PRR5: variants seen among roughly 807,000 people sequenced by gnomAD.
The protein encoded by PRR5 is proline rich 5, also known as proline-rich protein 5.
In PRR5, 25 loss-of-function variants were observed where a neutral mutation model predicts 30.6. The observed-to-expected ratio is 0.82, with a 90% CI of 0.60 to 1.14. The LOEUF is 1.14. Ranked by LOEUF, PRR5 falls within the 50% of genes most tolerant of loss-of-function variation. The probability of loss-of-function intolerance (pLI) is 0.00; values close to 1 mark genes in which losing one functional copy is unlikely to be tolerated. For missense variants in PRR5, 600 were observed against 547.1 expected (o/e 1.10, Z -0.96); for synonymous variants, 286 against 247.1 (o/e 1.16, Z -1.48).
intron 6 of PRR5, among the ~76,000 whole-genome samples, chr22:44,732,639 A>G (rs555630678): frequency 9.2e-5 from 14 of 152,280 alleles, no homozygotes; most frequent in Non-Finnish European, 2.1e-4. Context: ...TGTGTCGGCC[A>G]GCCTGGGGCT....
intron 5 of PRR5, 73 bp downstream of exon 5, chr22:44,731,894 G>A: frequency 2.0e-6 from 3 of 1,468,346 alleles, no homozygotes; most frequent in South Asian, 1.2e-5. Context: ...TCTACAGAGG[G>A]GGGCCGCCAG....
At chr22:44,696,572 G>T (rs995613962) in intron 1 of PRR5, among the ~76,000 whole-genome samples, 6 of 152,114 alleles carry the variant, frequency 3.9e-5, no homozygotes, top group Non-Finnish European at 7.3e-5. Context: ...AGGAGGGCAC[G>T]TGTCTTGGGT....
At chr22:44,689,539 G>A (rs1171190866) in intron 1 of PRR5, among the ~76,000 whole-genome samples, 1 of 152,234 alleles carries the variant, frequency 6.6e-6, no homozygotes, top group Non-Finnish European at 1.5e-5. Context: ...CAAGGACTGA[G>A]CTCCGTGTAG....
intron 3 of PRR5, 85 bp downstream of exon 3, chr22:44,725,377 G>T: frequency 6.3e-7 from 1 of 1,574,976 alleles, no homozygotes; most frequent in Non-Finnish European, 8.6e-7. Context: ...CCGGGGGTGT[G>T]GAGCGCCGGC....
intron 1 of PRR5, among the ~76,000 whole-genome samples, chr22:44,713,276 G>A (rs1403630619): frequency 6.6e-6 from 1 of 152,210 alleles, no homozygotes; most frequent in African/African-American, 2.4e-5. Context: ...GGCAAGCCAG[G>A]AAGGGGTACG....
rs150563470 is a variant in PRR5, at chr22:44,693,580, G to T, written c.-10-8912G>T. On this transcript the variant is annotated intron_variant, in intron 1 of 8. Transcript: ENST00000006251. ...ATCCTCACACAGCCCTCTCCTCTGG[G>T]TCTCTGTATCTCTGTGACTTCACAT... 2.0e-5 allele frequency among the ~76,000 whole-genome samples: 3 copies of T among 148,800 alleles called. No homozygotes were observed. The East Asian group carries it at 6.0e-4, about 30-fold the overall frequency.
At chr22:44,693,045 A>G (rs1395831530) in intron 1 of PRR5, among the ~76,000 whole-genome samples, 1 of 152,040 alleles carries the variant, frequency 6.6e-6, no homozygotes, top group East Asian at 1.9e-4. Flanking sequence ...CCATCTGGAC[A>G]TGGGGTTTCC....
chr22:44,696,576 C>T lies in PRR5; in HGVS notation c.-10-5916C>T, dbSNP rs137947744. Among the ~76,000 whole-genome samples, 324 of 152,246 alleles carry T rather than the reference C, an allele frequency of 2.1e-3. 3 individuals are homozygous for T. In the East Asian group the frequency reaches 0.023, roughly 11 times the overall value. ...TCCAGAACAAAAGGAGGGCACGTGT[C>T]TTGGGTGCACAGAACCAGACCACCA... On this transcript the variant is annotated intron_variant, in intron 1 of 8. Transcript: ENST00000006251.
At chr22:44,697,257 C>T (rs960097987), upstream of PRR5, among the ~76,000 whole-genome samples, 18 of 152,228 alleles carry the variant, frequency 1.2e-4, no homozygotes, top group African/African-American at 4.3e-4. Context: ...CTGGGCTCCC[C>T]CAGCGTGGTG....
chr22:44,716,447 G>T (rs539956396), intron 2 of PRR5, among the ~76,000 whole-genome samples: 1 of 152,326 alleles, frequency 6.6e-6, no homozygotes, highest in South Asian at 2.1e-4. Flanking sequence ...AAGGTAGGGG[G>T]ATCGCTAGAG....
At chr22:44,714,456 G>A in intron 1 of PRR5, 135 bp from the exon 2 acceptor site, 1 of 1,253,250 alleles carries the variant, frequency 8.0e-7, no homozygotes. Flanking sequence ...CGGAGTTGAA[G>A]TGGGTGTGAG....
chr22:44,696,924 A>C (rs1404352936), intron 1 of PRR5, among the ~76,000 whole-genome samples: 3 of 151,908 alleles, frequency 2.0e-5, no homozygotes, highest in East Asian at 3.9e-4. Context: ...TTTAGTAGAG[A>C]CAGGGTTTCA....
chr22:44,683,374 C>T (rs1161899565), intron 1 of PRR5, among the ~76,000 whole-genome samples: 1 of 152,246 alleles, frequency 6.6e-6, no homozygotes, highest in Non-Finnish European at 1.5e-5. Flanking sequence ...CACCTGGCAG[C>T]CCCAGCTCCT....
At chr22:44,684,788 G>A (rs914792245) in intron 1 of PRR5, among the ~76,000 whole-genome samples, 3 of 152,258 alleles carry the variant, frequency 2.0e-5, no homozygotes, top group Admixed American at 1.3e-4. Flanking sequence ...GCCCCTTCCT[G>A]TCGCTCTGGT....
intron 6 of PRR5, among the ~76,000 whole-genome samples, chr22:44,732,908 C>G: frequency 7.0e-6 from 1 of 143,434 alleles, no homozygotes; most frequent in Non-Finnish European, 1.5e-5. Flanking sequence ...CACACGCATA[C>G]ACACTACACA....
At chr22:44,708,944 G>A (rs1161409099) in intron 1 of PRR5, among the ~76,000 whole-genome samples, 1 of 144,926 alleles carries the variant, frequency 6.9e-6, no homozygotes, top group East Asian at 2.0e-4. Flanking sequence ...TCCAGCCTGG[G>A]GGACAGAGTG....
upstream of PRR5, among the ~76,000 whole-genome samples, chr22:44,702,025 C>T (rs74552255): frequency 6.6e-6 from 1 of 152,078 alleles, no homozygotes; most frequent in Non-Finnish European, 1.5e-5. Context: ...AGCACGTCCT[C>T]AGAGGGCAGA....
intron 1 of PRR5, among the ~76,000 whole-genome samples, chr22:44,709,009 G>T (rs1448276959): frequency 6.7e-6 from 1 of 149,150 alleles, no homozygotes; most frequent in African/African-American, 2.5e-5. Flanking sequence ...TACAAGGACT[G>T]CCCAGGTTCA....
intron 1 of PRR5, among the ~76,000 whole-genome samples, chr22:44,688,681 A>T (rs577078925): frequency 6.6e-6 from 1 of 152,220 alleles, no homozygotes; most frequent in South Asian, 2.1e-4. Flanking sequence ...TCAGTATTAA[A>T]TGTGCTATTA....
Sources: gnomAD v4.1 joint callset for allele counts (sites outside exome capture counted in the v4.1 genomes callset) on GRCh38, gnomAD v4.1.1 for gene constraint, MANE v1.5 for transcripts, NCBI Gene and HGNC (gene_info 2026-07-23, HGNC 2026-07-21) for gene names.